Variants in CAB39L observed in about 807,000 individuals in gnomAD.
The protein encoded by CAB39L is calcium-binding protein 39-like.
Under a neutral mutation model 39.1 loss-of-function variants are expected in CAB39L, and 23 were observed. That is an observed-to-expected ratio of 0.59 (90% CI 0.42 to 0.83). The LOEUF is 0.83. CAB39L is among the 40% of genes least tolerant of loss of function. The pLI is 0.00. For synonymous variants in CAB39L, 126 were observed against 137.2 expected (o/e 0.92, Z 0.57); for missense variants, 366 against 391.9 (o/e 0.93, Z 0.56).
intron 10 of CAB39L, 50 bp from the exon 11 acceptor site, chr13:49,311,043 C>T (rs901393784): frequency 4.5e-6 from 7 of 1,563,166 alleles, no homozygotes; most frequent in Middle Eastern, 3.4e-4. Flanking sequence ...GGGACCTCAC[C>T]CACGCTACAG....
chr13:49,332,435 T>G (rs1178420177), intron 9 of CAB39L, among the ~76,000 whole-genome samples: 1 of 152,140 alleles, frequency 6.6e-6, no homozygotes, highest in Admixed American at 6.5e-5. Context: ...CAGGTAGAAG[T>G]AATAACAAAA....
At chr13:49,388,887 A>T (rs1399731211) in intron 3 of CAB39L, among the ~76,000 whole-genome samples, 1 of 152,248 alleles carries the variant, frequency 6.6e-6, no homozygotes, top group Non-Finnish European at 1.5e-5. Flanking sequence ...AACCTCTGGT[A>T]GCTATTTGGT....
At chr13:49,320,040 G>C (rs1432210936) in intron 10 of CAB39L, among the ~76,000 whole-genome samples, 2 of 152,026 alleles carry the variant, frequency 1.3e-5, no homozygotes, top group Non-Finnish European at 2.9e-5. Context: ...ATTTTTTCTT[G>C]TTTTTATTTT....
intron 10 of CAB39L, among the ~76,000 whole-genome samples, chr13:49,329,545 ATATATATATATATAT>A (rs1310717525): frequency 0.011 from 932 of 84,492 alleles, 110 homozygotes; most frequent in South Asian, 0.026. Flanking sequence ...AAAAAAAAAA[ATATATATATATATAT>A]ATATATATAT....
At chr13:49,353,836 G>A (rs1387545632) in intron 6 of CAB39L, among the ~76,000 whole-genome samples, 4 of 151,968 alleles carry the variant, frequency 2.6e-5, no homozygotes, top group Non-Finnish European at 4.4e-5. Flanking sequence ...TCCATTTGGT[G>A]TCTATGTCAT....
chr13:49,337,795 GCTTT>G (rs1247010488), intron 9 of CAB39L, among the ~76,000 whole-genome samples: 1 of 147,048 alleles, frequency 6.8e-6, no homozygotes, highest in African/African-American at 2.5e-5. Flanking sequence ...CCAAGTCGCC[GCTTT>G]CTGTCTCCTT....
chr13:49,411,041 T>C (rs1057330405), intron 3 of CAB39L, among the ~76,000 whole-genome samples: 1 of 152,184 alleles, frequency 6.6e-6, no homozygotes, highest in Non-Finnish European at 1.5e-5. Context: ...ATTCTAAACA[T>C]GTCTTTTTAT....
At chr13:49,418,510 A>G (rs552895515) in intron 3 of CAB39L, among the ~76,000 whole-genome samples, 1 of 152,346 alleles carries the variant, frequency 6.6e-6, no homozygotes, top group East Asian at 1.9e-4. Context: ...TGTACACTTC[A>G]ATGGGTGTTC....
At chr13:49,312,277 C>T (rs1184186111) in intron 10 of CAB39L, among the ~76,000 whole-genome samples, 1 of 152,158 alleles carries the variant, frequency 6.6e-6, no homozygotes, top group Non-Finnish European at 1.5e-5. Flanking sequence ...ATGAAGTCTA[C>T]AGTAGTGTAC....
intron 1 of CAB39L, among the ~76,000 whole-genome samples, 159 bp downstream of exon 1, chr13:49,443,827 C>A (rs959355194): frequency 4.6e-5 from 7 of 152,188 alleles, no homozygotes; most frequent in African/African-American, 1.7e-4. Flanking sequence ...GAAACCCATC[C>A]TTTCCGCAAG....
At chr13:49,379,913 C>G (rs563234015) in intron 4 of CAB39L, among the ~76,000 whole-genome samples, 23 of 150,964 alleles carry the variant, frequency 1.5e-4, no homozygotes, top group Admixed American at 5.9e-4. Flanking sequence ...ACAATCTTGG[C>G]TCACTGCAAG....
intron 5 of CAB39L, among the ~76,000 whole-genome samples, chr13:49,367,644 C>T (rs58646564): frequency 0.014 from 2,140 of 152,186 alleles, 50 homozygotes; most frequent in African/African-American, 0.047. Context: ...AGGCCGGGCA[C>T]GGTGGCTCAT....
At chr13:49,332,192 A>T in intron 9 of CAB39L, 102 bp from the exon 10 acceptor site, 1 of 1,380,454 alleles carries the variant, frequency 7.2e-7, no homozygotes, top group Non-Finnish European at 9.9e-7. Context: ...TGTGAGTAAG[A>T]ATGGTGTTGT....
chr13:49,407,420 A>T (rs1956903203), intron 3 of CAB39L, among the ~76,000 whole-genome samples: 1 of 152,156 alleles, frequency 6.6e-6, no homozygotes, highest in Non-Finnish European at 1.5e-5. Context: ...CTAGCCAATG[A>T]ATGTTTAAGG....
intron 3 of CAB39L, among the ~76,000 whole-genome samples, chr13:49,431,857 A>G (rs999820611): frequency 1.3e-5 from 2 of 152,182 alleles, no homozygotes; most frequent in Non-Finnish European, 1.5e-5. Context: ...CTTTATCTGT[A>G]TTAGCTAAAA....
At chr13:49,371,464 C>T (rs908351043) in intron 5 of CAB39L, among the ~76,000 whole-genome samples, 14 of 152,110 alleles carry the variant, frequency 9.2e-5, no homozygotes, top group South Asian at 2.1e-4. Flanking sequence ...TAAGCCACCA[C>T]GCCTGGCCAA....
chr13:49,387,995 C>G (rs1158241318), intron 3 of CAB39L, among the ~76,000 whole-genome samples: 2 of 152,058 alleles, frequency 1.3e-5, no homozygotes, highest in Non-Finnish European at 2.9e-5. Context: ...CAAGGAAATA[C>G]GAAACAAAGA....
chr13:49,428,917 A>T (rs750165519), intron 3 of CAB39L, among the ~76,000 whole-genome samples: 2 of 152,238 alleles, frequency 1.3e-5, no homozygotes, highest in African/African-American at 2.4e-5. Flanking sequence ...CATATTTTGA[A>T]TATATATTTC....
intron 5 of CAB39L, among the ~76,000 whole-genome samples, chr13:49,373,573 A>T (rs796593542): frequency 9.5e-4 from 145 of 152,322 alleles, no homozygotes; most frequent in African/African-American, 3.4e-3. Context: ...AAAGAGTTTG[A>T]ATTATCTTCT....
Sources: gnomAD v4.1 joint callset for allele counts (sites outside exome capture counted in the v4.1 genomes callset) on GRCh38, gnomAD v4.1.1 for gene constraint, MANE v1.5 for transcripts, NCBI Gene and HGNC (gene_info 2026-07-23, HGNC 2026-07-21) for gene names.